The following PLCG2 variants were observed in gnomAD, a reference collection of about 807,000 sequenced individuals.
The protein encoded by PLCG2 is 1-phosphatidylinositol 4,5-bisphosphate phosphodiesterase gamma-2.
Under a neutral mutation model 175.6 loss-of-function variants are expected in PLCG2, and 69 were observed. The observed-to-expected ratio is 0.39, with a 90% CI of 0.32 to 0.48. PLCG2 has a LOEUF of 0.48. Among genes scored for constraint, PLCG2 ranks in the 20% least tolerant of loss-of-function variants. The pLI is 0.91. For synonymous variants in PLCG2, 827 were observed against 624.0 expected (o/e 1.33, Z -4.85); for missense variants, 1,798 against 1,650.9 (o/e 1.09, Z -1.54).
chr16:81,821,492 TCGGCTGACAGGCAGC>T (rs1904797555), intron 2 of PLCG2, among the ~76,000 whole-genome samples: 1 of 152,190 alleles, frequency 6.6e-6, no homozygotes, highest in Non-Finnish European at 1.5e-5. Context: ...GTCTTGGTGA[TCGGCTGACAGGCAGC>T]CGTTGCCTCT....
chr16:81,763,713 TC>T (rs1163419333), intron 2 of PLCG2, among the ~76,000 whole-genome samples: 4 of 152,192 alleles, frequency 2.6e-5, no homozygotes, highest in African/African-American at 9.7e-5. Flanking sequence ...ATGCCTGTAA[TC>T]CCAGCACTTT....
At chr16:81,827,830 C>T (rs953564359) in intron 2 of PLCG2, among the ~76,000 whole-genome samples, 2 of 152,078 alleles carry the variant, frequency 1.3e-5, no homozygotes, top group African/African-American at 4.8e-5. Flanking sequence ...GTGGTTCATG[C>T]CTGTAATCCC....
At chr16:81,877,197 G>C (rs966571936) in intron 7 of PLCG2, among the ~76,000 whole-genome samples, 6 of 152,200 alleles carry the variant, frequency 3.9e-5, no homozygotes, top group Non-Finnish European at 8.8e-5. Context: ...GCTCACGCCT[G>C]TAATCCCAGC....
intron 2 of PLCG2, among the ~76,000 whole-genome samples, chr16:81,844,501 T>G (rs1052679905): frequency 2.6e-5 from 4 of 152,104 alleles, no homozygotes; most frequent in African/African-American, 9.7e-5. Context: ...TTTGTATTTT[T>G]GGTAGAGACA....
chr16:81,816,385 T>C (rs1375461381), intron 2 of PLCG2, among the ~76,000 whole-genome samples: 1 of 152,028 alleles, frequency 6.6e-6, no homozygotes, highest in Non-Finnish European at 1.5e-5. Flanking sequence ...AACAAATAAA[T>C]TAGGCTTCAG....
Position 81,858,353 on chromosome 16 carries a change from A to G in PLCG2, c.428A>G (p.Glu143Gly), listed in dbSNP as rs773783811. 1.2e-6 allele frequency: 2 copies of G among 1,611,678 alleles called. No homozygotes were observed. Among genetic ancestry groups the G allele is most frequent in the Non-Finnish European group, 1.7e-6 (2 of 1,177,982 alleles). Residue 143 changes from glutamate (E) to glycine (G), a missense_variant, in exon 4 of 33, where the codon GAG (glutamate) becomes GGG (glycine). Transcript: ENST00000564138. ...AATGCGTCCACGCCCACCATTATCG[A>G]GAGGTAGTTGGCTTTTGCCTGTTGA... is the stretch of plus-strand genomic sequence containing the variant. ...AMNASTPTII[E>G]SWLRKQIYSV...
chr16:81,876,679 A>G (rs557270597), intron 7 of PLCG2, among the ~76,000 whole-genome samples: 1 of 152,328 alleles, frequency 6.6e-6, no homozygotes, highest in East Asian at 1.9e-4. Context: ...GTGGTTAACA[A>G]TACAGCTGTT....
chr16:81,875,792 C>T (rs1266203023), intron 7 of PLCG2, among the ~76,000 whole-genome samples: 3 of 152,150 alleles, frequency 2.0e-5, no homozygotes, highest in Non-Finnish European at 4.4e-5. Flanking sequence ...AGGCTGCTAA[C>T]GTATCTCTGG....
intron 25 of PLCG2, among the ~76,000 whole-genome samples, chr16:81,932,559 A>G (rs776257001): frequency 6.6e-6 from 1 of 152,176 alleles, no homozygotes; most frequent in Non-Finnish European, 1.5e-5. Flanking sequence ...ACTTCTGGCT[A>G]GAGTCAGTGA....
intron 3 of PLCG2, among the ~76,000 whole-genome samples, chr16:81,856,141 A>C (rs1048507478): frequency 4.6e-5 from 7 of 152,156 alleles, no homozygotes; most frequent in Admixed American, 4.6e-4. Context: ...CCATCTTCTC[A>C]CTTACTGGCT....
chr16:81,823,408 C>T (rs1177899958), intron 2 of PLCG2, among the ~76,000 whole-genome samples: 3 of 152,190 alleles, frequency 2.0e-5, no homozygotes, highest in Non-Finnish European at 4.4e-5. Flanking sequence ...CACCCCTCGC[C>T]CCATGAGAGT....
intron 2 of PLCG2, among the ~76,000 whole-genome samples, chr16:81,818,937 A>T (rs531736092): frequency 2.0e-4 from 30 of 146,916 alleles, no homozygotes; most frequent in Non-Finnish European, 4.1e-4. Context: ...AATCACAAAA[A>T]TAAATACAGC....
chr16:81,910,447 G>A (rs1267809086), intron 17 of PLCG2, 73 bp from the exon 18 acceptor site: 9 of 1,349,018 alleles, frequency 6.7e-6, no homozygotes, highest in African/African-American at 2.9e-5. Context: ...TAATGTCCCC[G>A]CCTCTGAGGC....
chr16:81,854,341 G>C (rs1871288377), intron 2 of PLCG2, 103 bp from the exon 3 acceptor site: 1 of 1,028,230 alleles, frequency 9.7e-7, no homozygotes, highest in Non-Finnish European at 1.5e-6. Flanking sequence ...GATCCTGTTG[G>C]GGAAGGAAGG....
At chr16:81,910,414 A>G (rs1909567815) in intron 17 of PLCG2, 106 bp from the exon 18 acceptor site, 4 of 959,790 alleles carry the variant, frequency 4.2e-6, no homozygotes, top group Admixed American at 1.9e-5. Flanking sequence ...CTAGGAGCAG[A>G]GGGAAGGTTG....
chr16:81,926,983 C>T, intron 22 of PLCG2, 99 bp from the exon 23 acceptor site: 3 of 768,786 alleles, frequency 3.9e-6, no homozygotes, highest in Non-Finnish European at 7.0e-6. Context: ...TGCTGTCTGT[C>T]CCCATCAGAA....
chr16:81,878,751 ACTCT>A (rs1394836485), intron 7 of PLCG2, among the ~76,000 whole-genome samples: 1 of 151,482 alleles, frequency 6.6e-6, no homozygotes, highest in Non-Finnish European at 1.5e-5. Flanking sequence ...AAAGCTGGTC[ACTCT>A]CTCCTTGATG....
At chr16:81,855,927 C>T (rs879545349) in intron 3 of PLCG2, among the ~76,000 whole-genome samples, 10 of 152,108 alleles carry the variant, frequency 6.6e-5, no homozygotes, top group South Asian at 4.1e-4. Context: ...AGGCCCGTGG[C>T]GGTGAAGCTT....
intron 15 of PLCG2, among the ~76,000 whole-genome samples, chr16:81,907,279 A>G (rs1597123136): frequency 1.3e-5 from 2 of 152,226 alleles, no homozygotes; most frequent in South Asian, 4.1e-4. Context: ...CTTTACAATA[A>G]AACCAGAGAC....
Sources: gnomAD v4.1 joint callset for allele counts (sites outside exome capture counted in the v4.1 genomes callset) on GRCh38, gnomAD v4.1.1 for gene constraint, MANE v1.5 for transcripts, NCBI Gene and HGNC (gene_info 2026-07-23, HGNC 2026-07-21) for gene names.